Variants in THAP4 observed in about 807,000 individuals in gnomAD.
The protein encoded by THAP4 is peroxynitrite isomerase THAP4.
THAP4 carries 18 observed loss-of-function variants against 48.1 expected under a neutral mutation model. That is an observed-to-expected ratio of 0.37 (90% CI 0.26 to 0.56). THAP4 has a LOEUF of 0.56. Ranked by LOEUF, THAP4 falls within the 20% of genes least tolerant of loss-of-function variation. THAP4 has a pLI of 0.78. For synonymous variants in THAP4, 345 were observed against 324.9 expected (o/e 1.06, Z -0.66); for missense variants, 656 against 774.9 (o/e 0.85, Z 1.82).
chr2:241,634,446 A>T (rs1575042349), intron 1 of THAP4, among the ~76,000 whole-genome samples: 1 of 152,086 alleles, frequency 6.6e-6, no homozygotes, highest in African/African-American at 2.4e-5. Context: ...CTGCTAACCA[A>T]CCCTCCCAAC....
At chr2:241,605,825 C>T in intron 3 of THAP4, among the ~76,000 whole-genome samples, 1 of 151,976 alleles carries the variant, frequency 6.6e-6, no homozygotes, top group East Asian at 1.9e-4. Context: ...TCAAGCAATC[C>T]TCCCACCTCA....
chr2:241,637,394 C>A, upstream of THAP4: 5 of 1,426,656 alleles, frequency 3.5e-6, no homozygotes, highest in South Asian at 5.0e-5. Context: ...GGACAGAGCT[C>A]GCCTCTGCCG....
At chr2:241,624,283 C>G (rs534155150) in intron 2 of THAP4, among the ~76,000 whole-genome samples, 5 of 152,102 alleles carry the variant, frequency 3.3e-5, no homozygotes, top group Admixed American at 3.3e-4. Context: ...GTCAGGAGAT[C>G]GAGACCATCC....
At chr2:241,618,123 G>A (rs868579381) in intron 2 of THAP4, among the ~76,000 whole-genome samples, 5 of 152,196 alleles carry the variant, frequency 3.3e-5, no homozygotes, top group Non-Finnish European at 5.9e-5. Flanking sequence ...AGGTGGGGAG[G>A]AGCTGTCCAG....
intron 2 of THAP4, among the ~76,000 whole-genome samples, chr2:241,613,376 G>C (rs1301790399): frequency 5.9e-5 from 9 of 152,068 alleles, no homozygotes; most frequent in Non-Finnish European, 1.2e-4. Flanking sequence ...TAGGACCCTT[G>C]AAGGGGCAGA....
Position 241,633,339 on chromosome 2 carries a change from C to T in THAP4, c.818G>A (p.Ser273Asn). The T allele has an allele frequency of 6.2e-7, 1 of 1,612,636 alleles. No individual in the cohort carries two copies. Among genetic ancestry groups the T allele is most frequent in the Non-Finnish European group, 8.5e-7 (1 of 1,179,992 alleles). The stretch of plus-strand genomic sequence containing the variant: ...GGCCAGGCCCTTGTCGGGTCCCAGG[C>T]TGCTCCCACTGCAGCTTGGTTCCAC... ...KDVEPSCSGS[S>N]LGPDKGLAQS... Residue 273 changes from serine to asparagine, a missense_variant, in exon 2 of 6, where the codon AGC (serine) becomes AAC (asparagine). By Grantham distance (46) the Ser-to-Asn change is conservative. Coordinates refer to ENST00000407315, the MANE Select transcript of THAP4 (RefSeq NM_015963.6). The surrounding 1 kb of genome is among the most constrained non-coding windows in gnomAD (Gnocchi z 7.5).
intron 5 of THAP4, among the ~76,000 whole-genome samples, chr2:241,585,779 G>A (rs578055291): frequency 3.8e-4 from 58 of 151,932 alleles, no homozygotes; most frequent in Non-Finnish European, 7.8e-4. Context: ...CGGGCATGGT[G>A]GTATGCACAT....
chr2:241,615,097 G>T (rs1279311567), intron 2 of THAP4, among the ~76,000 whole-genome samples: 2 of 152,106 alleles, frequency 1.3e-5, no homozygotes, highest in East Asian at 3.9e-4. Context: ...TGCGCGAAAA[G>T]AAAGAAGCCA....
chr2:241,600,465 C>T (rs1472064869), intron 5 of THAP4, among the ~76,000 whole-genome samples: 6 of 151,936 alleles, frequency 3.9e-5, no homozygotes, highest in African/African-American at 1.5e-4. Flanking sequence ...CGGTGGCTCA[C>T]GCCTGTAATC....
At chr2:241,600,681 T>C (rs560568941) in intron 5 of THAP4, among the ~76,000 whole-genome samples, 8 of 147,600 alleles carry the variant, frequency 5.4e-5, no homozygotes, top group South Asian at 2.1e-4. Flanking sequence ...TGAGCCGAGA[T>C]TGCTCCACTG....
chr2:241,585,765 C>A (rs1190695969), intron 5 of THAP4, among the ~76,000 whole-genome samples: 1 of 151,682 alleles, frequency 6.6e-6, no homozygotes, highest in African/African-American at 2.4e-5. Flanking sequence ...AGGAGAGGCG[C>A]AGCCGGGCAT....
At chr2:241,623,209 C>CT (rs1311980905) in intron 2 of THAP4, among the ~76,000 whole-genome samples, 1 of 151,914 alleles carries the variant, frequency 6.6e-6, no homozygotes, top group Non-Finnish European at 1.5e-5. Flanking sequence ...CAGTGAGACT[C>CT]TGTCAAAAAT....
chr2:241,620,424 GGGTGAGGGGTGAGTGAGTC>G (rs2067414348), intron 2 of THAP4, among the ~76,000 whole-genome samples: 1 of 135,048 alleles, frequency 7.4e-6, no homozygotes, highest in African/African-American at 2.8e-5. Flanking sequence ...GGTGAGTGAG[GGGTGAGGGGTGAGTGAGTC>G]AGTGAGTGAG....
intron 5 of THAP4, among the ~76,000 whole-genome samples, chr2:241,586,247 A>G (rs1238442230): frequency 7.3e-6 from 1 of 137,690 alleles, no homozygotes; most frequent in Non-Finnish European, 1.5e-5. Flanking sequence ...ACAGAGCGAG[A>G]CTCCATCTGA....
At chr2:241,630,399 C>A (rs1197647899) in intron 2 of THAP4, among the ~76,000 whole-genome samples, 2 of 152,142 alleles carry the variant, frequency 1.3e-5, no homozygotes, top group Non-Finnish European at 2.9e-5. Flanking sequence ...AACTCAGAGA[C>A]ACGAAGGGCT....
chr2:241,590,217 G>A (rs561238533), intron 5 of THAP4, among the ~76,000 whole-genome samples: 177 of 146,552 alleles, frequency 1.2e-3, no homozygotes, highest in Non-Finnish European at 2.3e-3. Flanking sequence ...AGAGCTGCTC[G>A]GCTGATGATA....
At chr2:241,632,130 T>C (rs576328343) in intron 2 of THAP4, among the ~76,000 whole-genome samples, 104 of 151,928 alleles carry the variant, frequency 6.8e-4, no homozygotes, top group African/African-American at 2.4e-3. Context: ...TCTTATTCTG[T>C]CACCCAGGCC....
chr2:241,606,037 T>C (rs1285128881), intron 3 of THAP4, among the ~76,000 whole-genome samples: 1 of 152,226 alleles, frequency 6.6e-6, no homozygotes, highest in Non-Finnish European at 1.5e-5. Flanking sequence ...GATACATAAA[T>C]TAAGTACATG....
chr2:241,615,769 C>T (rs1260619064), intron 2 of THAP4, among the ~76,000 whole-genome samples: 1 of 152,238 alleles, frequency 6.6e-6, no homozygotes, highest in Non-Finnish European at 1.5e-5. Flanking sequence ...CCTCTTCACT[C>T]CTCTCTTCTC....
Sources: gnomAD v4.1 joint callset for allele counts (sites outside exome capture counted in the v4.1 genomes callset) on GRCh38, gnomAD v4.1.1 for gene constraint, Gnocchi (gnomAD v3.1) non-coding constraint, MANE v1.5 for transcripts, NCBI Gene and HGNC (gene_info 2026-07-23, HGNC 2026-07-21) for gene names.